Variants in WNT2B observed in about 807,000 individuals in gnomAD.
The protein encoded by WNT2B is Wnt family member 2B.
Under a neutral mutation model 40.5 loss-of-function variants are expected in WNT2B, and 19 were observed. The ratio of observed to expected loss-of-function variants is 0.47; its 90% CI spans 0.33 to 0.69. WNT2B has a LOEUF of 0.69. WNT2B is among the 30% of genes least tolerant of loss of function. The pLI is 0.02. For synonymous variants in WNT2B, 220 were observed against 211.9 expected, an observed-to-expected ratio of 1.04 and a Z score of -0.33; for missense variants, 467 against 556.4, an observed-to-expected ratio of 0.84 and a Z score of 1.62.
At chr1:112,505,982 A>G (rs1652093684), upstream of WNT2B, among the ~76,000 whole-genome samples, 1 of 152,218 alleles carries the variant, frequency 6.6e-6, no homozygotes, top group South Asian at 2.1e-4. Context: ...CCTTCAGCTC[A>G]GAAACATGCT....
chr1:112,481,447 C>T (rs1255642548), intron 1 of WNT2B, among the ~76,000 whole-genome samples: 2 of 152,178 alleles, frequency 1.3e-5, no homozygotes, highest in African/African-American at 4.8e-5. Context: ...CAGCTAATAT[C>T]ATAACCAATG....
In WNT2B at chr1:112,520,592, C is replaced by A; in HGVS notation, c.*83C>A. On this transcript the variant is annotated 3_prime_UTR_variant, in exon 5 of 5. Transcript: ENST00000369684. The stretch of plus-strand genomic sequence containing the variant: ...ATCCTTGCATGCACACCTTCCTCCA[C>A]CCTCCACCCTGGGCTGCTACCGCTT... 1 of 1,375,644 alleles carries A rather than the reference C, an allele frequency of 7.3e-7. No homozygotes were observed. The highest frequency in any genetic ancestry group is 1.0e-6 in the Non-Finnish European group (1 of 989,224). 85.2% of individuals were successfully genotyped at this position (1,375,644 alleles called of 1,614,324 possible).
At chr1:112,504,177 G>T (rs573773197), upstream of WNT2B, among the ~76,000 whole-genome samples, 1 of 152,274 alleles carries the variant, frequency 6.6e-6, no homozygotes, top group East Asian at 1.9e-4. Flanking sequence ...CGCCCGGAAT[G>T]GCCGTCAGCC....
chr1:112,515,148 G>T lies in WNT2B; in HGVS notation c.403+54G>T. The stretch of plus-strand genomic sequence containing the variant: ...TCCTTCCCTTTCTGTGCTGGGGGTG[G>T]TGAGTGGGAAGAGTAGGCAAGATCT... On this transcript the variant is annotated intron_variant, in intron 2 of 4. Transcript: ENST00000369684. The surrounding 1 kb of genome is among the most constrained non-coding windows in gnomAD (Gnocchi z 4.4). 1 of 1,578,194 alleles carries T rather than the reference G, an allele frequency of 6.3e-7. No individual in the cohort carries two copies. The highest frequency in any genetic ancestry group is 8.6e-7 in the Non-Finnish European group (1 of 1,159,292).
rs1336667291 is a variant in WNT2B at position 112,515,186 on chromosome 1, C to A, written c.403+92C>A. 5.5e-5 allele frequency: 76 copies of A among 1,374,204 alleles called. No homozygotes were observed. The highest frequency in any genetic ancestry group is 7.2e-5 in the Non-Finnish European group (72 of 996,012). 85.1% of individuals were successfully genotyped at this position (1,374,204 alleles called of 1,614,324 possible). On this transcript the variant is annotated intron_variant, in intron 2 of 4. Coordinates refer to ENST00000369684, the MANE Select transcript of WNT2B (RefSeq NM_024494.3). The surrounding 1 kb of genome is among the most constrained non-coding windows in gnomAD (Gnocchi z 4.4). ...GTAGGCAAGATCTCCCCTCTCCTCT[C>A]CCACACACTGTTTCATCATCAGAGA...
Position 112,519,569 on chromosome 1 carries a change from T to C in WNT2B, c.947-711T>C, listed in dbSNP as rs571808248. Among the ~76,000 whole-genome samples the C allele has an allele frequency of 1.4e-4, 22 of 152,206 alleles. No individual in the cohort carries two copies. In the South Asian group the frequency reaches 2.7e-3, roughly 19 times the overall value. Reference sequence around the variant, plus strand: ...TGAGGTTCTAAGCATTCCCTATGCATGGGGAAAACATGATCCCTATCCTAG... The same window carrying C: ...TGAGGTTCTAAGCATTCCCTATGCACGGGGAAAACATGATCCCTATCCTAG... On this transcript the variant is annotated intron_variant, in intron 4 of 4. Transcript: ENST00000369684.
chr1:112,506,214 GTC>G (rs1296301664), upstream of WNT2B, among the ~76,000 whole-genome samples: 1 of 152,134 alleles, frequency 6.6e-6, no homozygotes, highest in Non-Finnish European at 1.5e-5. Flanking sequence ...GACCAGGCTA[GTC>G]TCTAACTCCT....
At position 112,486,132 on chromosome 1, in the gene WNT2B, A is replaced by AACACACACACACACACACACACACAC. The variant is rs71584737; in HGVS notation, c.-95+18542_-95+18567dup. Among the ~76,000 whole-genome samples, 944 of 143,800 alleles carry AACACACACACACACACACACACACAC rather than the reference A, an allele frequency of 6.6e-3. 5 individuals carry two copies. Among genetic ancestry groups the AACACACACACACACACACACACACAC allele is most frequent in the Middle Eastern group, 0.01 (3 of 290 alleles). 94.3% of individuals were successfully genotyped at this position (143,800 alleles called of 152,430 possible). ...AGCCTGGGCAAGATAATGAGTTTTTAACACACACACACACACACACACACA... is the reference window on the plus strand; with the variant it reads ...AGCCTGGGCAAGATAATGAGTTTTTAACACACACACACACACACACACACACACACACACACACACACACACACACA... On this transcript the variant is annotated intron_variant, in intron 1 of 4. Coordinates refer to the WNT2B transcript ENST00000256640.
intron 1 of WNT2B, among the ~76,000 whole-genome samples, chr1:112,481,995 G>A (rs1651241334): frequency 6.6e-6 from 1 of 151,932 alleles, no homozygotes; most frequent in Non-Finnish European, 1.5e-5. Context: ...AAATACAAAA[G>A]ATTAACCTGG....
At chr1:112,516,635 G>A (rs1652559604) in intron 3 of WNT2B, among the ~76,000 whole-genome samples, 1 of 152,164 alleles carries the variant, frequency 6.6e-6, no homozygotes, top group African/African-American at 2.4e-5. Flanking sequence ...GTGGAAAGTA[G>A]GAAAAGGTGG....
At chr1:112,471,104 A>G (rs1650868073) in intron 1 of WNT2B, among the ~76,000 whole-genome samples, 1 of 152,176 alleles carries the variant, frequency 6.6e-6, no homozygotes, top group Non-Finnish European at 1.5e-5. Context: ...AAATGTGGAC[A>G]TAGGAGGGTG....
intron 1 of WNT2B, among the ~76,000 whole-genome samples, chr1:112,499,501 CAATT>C (rs1651882569): frequency 6.6e-6 from 1 of 152,276 alleles, no homozygotes; most frequent in Non-Finnish European, 1.5e-5. Flanking sequence ...ATTTGAAAAT[CAATT>C]AATATAACCT....
At chr1:112,474,788 G>GA (rs1651006405) in intron 1 of WNT2B, among the ~76,000 whole-genome samples, 1 of 152,210 alleles carries the variant, frequency 6.6e-6, no homozygotes, top group African/African-American at 2.4e-5. Flanking sequence ...ATTGGATCAT[G>GA]AGCATGGATC....
At chr1:112,508,910 G>A, upstream of WNT2B, 1 of 1,081,664 alleles carries the variant, frequency 9.2e-7, no homozygotes, top group Non-Finnish European at 1.1e-6. The surrounding 1 kb of genome is among the most constrained non-coding windows in gnomAD (Gnocchi z 4.2). Context: ...CGTGTCCCCG[G>A]CCTCGGCCCC....
At chr1:112,492,591 C>A (rs190634409) in intron 1 of WNT2B, among the ~76,000 whole-genome samples, 5 of 152,266 alleles carry the variant, frequency 3.3e-5, no homozygotes, top group Admixed American at 1.3e-4. Context: ...GAAAAGTAAC[C>A]ATTTCTAAAT....
chr1:112,520,664 G>C lies in WNT2B; in HGVS notation c.*155G>C. ...AATCCATAGGGACCATGGTGTCCTGGCTGGTTCCTTAGCCCTGGGAAGGAG... is the reference window on the plus strand; with the variant it reads ...AATCCATAGGGACCATGGTGTCCTGCCTGGTTCCTTAGCCCTGGGAAGGAG... On this transcript the variant is annotated 3_prime_UTR_variant, in exon 5 of 5. Transcript: ENST00000369684. The C allele has an allele frequency of 1.3e-6, 1 of 790,478 alleles. No individual in the cohort carries two copies. The highest frequency in any genetic ancestry group is 2.0e-6 in the Non-Finnish European group (1 of 498,540). The allele number at this position is 790,478 out of a possible 1,614,324, so 49.0% of individuals were successfully genotyped here. A position where few individuals can be genotyped will look rare whatever the true frequency, so the allele number is the denominator to read the frequency against.
In WNT2B at chr1:112,520,371, A is replaced by C; in HGVS notation, c.1038A>C (p.Thr346=). 1 of 1,614,150 alleles carries C rather than the reference A, an allele frequency of 6.2e-7. No homozygotes were observed. The highest frequency in any genetic ancestry group is 8.5e-7 in the Non-Finnish European group (1 of 1,180,032). ...TGTGCTGTGGCCGAGGGTACGACAC[A>C]ACTCGAGTCACCCGTGTTACCCAGT... ...EIMCCGRGYD[T]TRVTRVTQCE... The change falls in exon 5 of 5, where the codon ACA becomes ACC. Residue 346 remains threonine, a synonymous_variant. Coordinates refer to ENST00000369684, the MANE Select transcript of WNT2B (RefSeq NM_024494.3).
chr1:112,475,419 GACTT>G (rs776456369), intron 1 of WNT2B, among the ~76,000 whole-genome samples: 5 of 152,200 alleles, frequency 3.3e-5, no homozygotes, highest in South Asian at 2.1e-4. Context: ...AAATATGAAA[GACTT>G]ACCCATTTTA....
chr1:112,508,801 T>C, upstream of WNT2B: 1 of 988,820 alleles, frequency 1.0e-6, no homozygotes, highest in Non-Finnish European at 1.2e-6. This position sits in a 1 kb window ranked among gnomAD's most constrained non-coding sequence, Gnocchi z 4.2. Flanking sequence ...TGCAGCGCGG[T>C]GGCGCGCGGG....
Sources: allele counts gnomAD v4.1 joint callset (sites outside exome capture counted in the v4.1 genomes callset), GRCh38; gene constraint gnomAD v4.1.1; non-coding constraint Gnocchi (gnomAD v3.1); transcripts MANE v1.5; gene names NCBI Gene and HGNC (gene_info 2026-07-23, HGNC 2026-07-21).